The following OPCML variants were observed in gnomAD, a reference collection of about 807,000 sequenced individuals.
The protein encoded by OPCML is opioid binding protein/cell adhesion molecule like.
In OPCML, 13 loss-of-function variants were observed where a neutral mutation model predicts 37.8. The ratio of observed to expected loss-of-function variants is 0.34; its 90% CI spans 0.22 to 0.55. The LOEUF is 0.55. Among genes scored for constraint, OPCML ranks in the 20% least tolerant of loss-of-function variants. The pLI is 0.91. For synonymous variants in OPCML, 176 were observed against 168.8 expected (o/e 1.04, Z -0.33); for missense variants, 341 against 435.6 (o/e 0.78, Z 1.93).
At position 132,753,337 on chromosome 11, in the gene OPCML, A is replaced by G. The variant is rs370754880; in HGVS notation, c.147-96018T>C. ...ATCTCCCTCATTCTGATTCATTTTC[A>G]TAATGTATTCCTGAATTATGAGAGT... On this transcript the variant is annotated intron_variant, in intron 2 of 7. Coordinates refer to ENST00000524381, the MANE Select transcript of OPCML (RefSeq NM_001012393.5). Among the ~76,000 whole-genome samples, 7 of 152,208 alleles carry G rather than the reference A, an allele frequency of 4.6e-5. No homozygotes were observed. In the East Asian group the frequency reaches 5.8e-4, roughly 13 times the overall value.
chr11:133,363,141 T>C (rs563974990), intron 1 of OPCML, among the ~76,000 whole-genome samples: 176 of 151,988 alleles, frequency 1.2e-3, no homozygotes, highest in Non-Finnish European at 2.3e-3. Flanking sequence ...CTGCACGTCA[T>C]GATTTATCCA....
intron 2 of OPCML, among the ~76,000 whole-genome samples, chr11:132,830,089 C>T (rs1417457546): frequency 6.6e-6 from 1 of 152,172 alleles, no homozygotes; most frequent in Non-Finnish European, 1.5e-5. Flanking sequence ...TATGGGATTA[C>T]TCTTTTCCCC....
chr11:132,539,531 C>CTGA (rs1374521818), intron 3 of OPCML, among the ~76,000 whole-genome samples: 64 of 150,826 alleles, frequency 4.2e-4, no homozygotes, highest in African/African-American at 1.1e-3. Context: ...GCTGCTGCTG[C>CTGA]TGATGATGAT....
intron 2 of OPCML, among the ~76,000 whole-genome samples, chr11:132,890,856 C>CAAAAA: frequency 2.2e-5 from 1 of 46,466 alleles, no homozygotes; most frequent in South Asian, 8.2e-4. Flanking sequence ...GACTCCATCT[C>CAAAAA]AAAAAAAAAA....
intron 1 of OPCML, among the ~76,000 whole-genome samples, chr11:133,519,821 C>T (rs1249704024): frequency 6.6e-6 from 1 of 152,216 alleles, no homozygotes; most frequent in Admixed American, 6.5e-5. Context: ...CTTCAACCAG[C>T]CAAGCTTAGC....
intron 1 of OPCML, among the ~76,000 whole-genome samples, chr11:133,469,506 T>C (rs1947056891): frequency 6.6e-6 from 1 of 152,232 alleles, no homozygotes; most frequent in Non-Finnish European, 1.5e-5. Context: ...TCATTCCTTT[T>C]TGCTCCAGTT....
At chr11:132,633,971 T>C (rs1407903290) in intron 3 of OPCML, among the ~76,000 whole-genome samples, 2 of 152,284 alleles carry the variant, frequency 1.3e-5, no homozygotes, top group African/African-American at 4.8e-5. Context: ...GTCTTTCTTC[T>C]CCAGTGTGTG....
chr11:133,014,954 AG>A (rs1208805279), intron 1 of OPCML, among the ~76,000 whole-genome samples: 1 of 152,232 alleles, frequency 6.6e-6, no homozygotes, highest in Non-Finnish European at 1.5e-5. Context: ...GAAATTTATC[AG>A]TGTGTACCCT....
At chr11:133,511,162 C>T (rs1184524273) in intron 1 of OPCML, among the ~76,000 whole-genome samples, 1 of 152,190 alleles carries the variant, frequency 6.6e-6, no homozygotes, top group African/African-American at 2.4e-5. Context: ...TCAGCTACAG[C>T]CATAATCTTC....
Position 132,657,169 on chromosome 11 carries a change from A to G in OPCML, c.297T>C (p.Asp99=), listed in dbSNP as rs757804003. The G allele has an allele frequency of 1.9e-6, 3 of 1,614,266 alleles. No individual in the cohort carries two copies. The highest frequency in any genetic ancestry group is 2.5e-6 in the Non-Finnish European group (3 of 1,180,050). ...AGGTGTACGGACCTTCGTCATACACATCCACATTTTGGATCATGATGCTGT... is the reference window on the plus strand; with the variant it reads ...AGGTGTACGGACCTTCGTCATACACGTCCACATTTTGGATCATGATGCTGT... ...TQYSIMIQNV[D]VYDEGPYTCS... is the part of the protein sequence containing the mutation. The change falls in exon 3 of 8, where the codon GAT becomes GAC. Residue 99 remains aspartate (D), a synonymous_variant. Coordinates refer to ENST00000524381, the MANE Select transcript of OPCML (RefSeq NM_001012393.5).
chr11:133,365,937 G>A (rs1049575641), intron 1 of OPCML: 3 of 152,328 alleles, frequency 2.0e-5, no homozygotes, highest in African/African-American at 4.8e-5. Flanking sequence ...AAGGATGCTG[G>A]AAATTAGGGA....
At chr11:133,431,190 TTAAA>T (rs1445089883) in intron 1 of OPCML, among the ~76,000 whole-genome samples, 1 of 152,220 alleles carries the variant, frequency 6.6e-6, no homozygotes, top group African/African-American at 2.4e-5. Flanking sequence ...TGACATATAA[TTAAA>T]TGTTATTTAT....
At chr11:132,885,382 C>T (rs763652935) in intron 2 of OPCML, among the ~76,000 whole-genome samples, 1 of 152,134 alleles carries the variant, frequency 6.6e-6, no homozygotes, top group African/African-American at 2.4e-5. Context: ...AATTTCTGCC[C>T]GTGGTTAAAC....
At chr11:133,012,144 C>T (rs1947231158) in intron 1 of OPCML, among the ~76,000 whole-genome samples, 1 of 151,950 alleles carries the variant, frequency 6.6e-6, no homozygotes, top group Non-Finnish European at 1.5e-5. Context: ...CCGGAGGGGG[C>T]ACGGTATTAT....
chr11:132,586,145 T>C (rs1217614261), intron 3 of OPCML, among the ~76,000 whole-genome samples: 1 of 152,186 alleles, frequency 6.6e-6, no homozygotes, highest in Non-Finnish European at 1.5e-5. Flanking sequence ...TGCACCCACA[T>C]TGTTTCATTT....
At chr11:133,510,506 C>T (rs763549907) in intron 1 of OPCML, among the ~76,000 whole-genome samples, 24 of 152,172 alleles carry the variant, frequency 1.6e-4, no homozygotes, top group Non-Finnish European at 2.6e-4. Flanking sequence ...AATTAGCTTC[C>T]CCCTCTCTTG....
At chr11:132,630,350 G>A (rs2135688553) in intron 3 of OPCML, among the ~76,000 whole-genome samples, 2 of 152,298 alleles carry the variant, frequency 1.3e-5, no homozygotes, top group South Asian at 4.2e-4. Flanking sequence ...ACGAGGTCAA[G>A]AGATTGAGAC....
At chr11:133,364,801 C>T (rs574158553) in intron 1 of OPCML, among the ~76,000 whole-genome samples, 6 of 151,992 alleles carry the variant, frequency 3.9e-5, no homozygotes, top group South Asian at 2.1e-4. Context: ...TTTTAAAAAG[C>T]GGATTGGACC....
chr11:132,923,036 T>A (rs1466687584), intron 2 of OPCML, among the ~76,000 whole-genome samples: 4 of 151,688 alleles, frequency 2.6e-5, no homozygotes, highest in Admixed American at 2.6e-4. Flanking sequence ...ATTGCACCAC[T>A]GCACTCCAGC....
Sources: allele counts gnomAD v4.1 joint callset (sites outside exome capture counted in the v4.1 genomes callset), GRCh38; gene constraint gnomAD v4.1.1; transcripts MANE v1.5; gene names NCBI Gene and HGNC (gene_info 2026-07-23, HGNC 2026-07-21).